The following JAKMIP2 variants were observed in gnomAD, a reference collection of about 807,000 sequenced individuals.
JAKMIP2 encodes the protein janus kinase and microtubule-interacting protein 2.
JAKMIP2 carries 25 observed loss-of-function variants against 115.0 expected under a neutral mutation model. The ratio of observed to expected loss-of-function variants is 0.22; its 90% CI spans 0.16 to 0.30. The LOEUF (loss-of-function observed/expected upper bound fraction) is 0.30. Among genes scored for constraint, JAKMIP2 ranks in the 10% least tolerant of loss-of-function variants. The probability of loss-of-function intolerance (pLI) is 1.00; values close to 1 mark genes in which losing one functional copy is unlikely to be tolerated. For synonymous variants in JAKMIP2, 334 were observed against 343.6 expected, an observed-to-expected ratio of 0.97 and a Z score of 0.31; for missense variants, 642 against 957.6, an observed-to-expected ratio of 0.67 and a Z score of 4.35.
At chr5:147,663,255 G>A (rs542396582) in intron 2 of JAKMIP2, among the ~76,000 whole-genome samples, 1 of 152,248 alleles carries the variant, frequency 6.6e-6, no homozygotes, top group South Asian at 2.1e-4. Context: ...TGTTTGTGAG[G>A]GTGTTGCTAA....
At chr5:147,667,860 G>C (rs762773356) in intron 2 of JAKMIP2, among the ~76,000 whole-genome samples, 8 of 152,074 alleles carry the variant, frequency 5.3e-5, no homozygotes, top group Non-Finnish European at 1.2e-4. Context: ...AGAAAATGTT[G>C]GTTGATTTTC....
chr5:147,647,521 T>C (rs1331838076), intron 5 of JAKMIP2, among the ~76,000 whole-genome samples: 1 of 151,872 alleles, frequency 6.6e-6, no homozygotes, highest in Admixed American at 6.6e-5. Flanking sequence ...TAACAGAAAA[T>C]GGGCAAAAGG....
chr5:147,781,582 A>G (rs1161955487), intron 1 of JAKMIP2, among the ~76,000 whole-genome samples: 2 of 152,198 alleles, frequency 1.3e-5, no homozygotes, highest in African/African-American at 4.8e-5. Context: ...GCAGGCTACA[A>G]ATTTGCATCT....
rs187378468 is a variant in JAKMIP2 at position 147,683,271 on chromosome 5, C to T, written c.-148-11317G>A. On this transcript the variant is annotated intron_variant, in intron 1 of 21. Transcript: ENST00000616793. ...TTGGGAGGCCAAGGCAGGCAGATCA[C>T]TTGAGGTCAGATCACTTTGAGACCA... is the stretch of plus-strand genomic sequence containing the variant. Among the ~76,000 whole-genome samples, 39 of 152,270 alleles carry T rather than the reference C, an allele frequency of 2.6e-4. No homozygotes were observed. The East Asian group carries it at 3.3e-3, about 13-fold the overall frequency.
At chr5:147,616,840 A>G (rs1190706548) in intron 19 of JAKMIP2, among the ~76,000 whole-genome samples, 1 of 152,156 alleles carries the variant, frequency 6.6e-6, no homozygotes, top group Admixed American at 6.5e-5. Context: ...AAAATCCACA[A>G]AGCTCCTGCC....
At position 147,665,685 on chromosome 5, in the gene JAKMIP2, A is replaced by T. The variant is rs547692062; in HGVS notation, c.130-4240T>A. On this transcript the variant is annotated intron_variant, in intron 2 of 21. Coordinates refer to ENST00000616793, the MANE Select transcript of JAKMIP2 (RefSeq NM_001270941.2). Reference sequence around the variant, plus strand: ...TTCTGAGGATTTTTGATTACACTTAAAAATGTCTGTAACTGGGTTATTTTT... The same window carrying T: ...TTCTGAGGATTTTTGATTACACTTATAAATGTCTGTAACTGGGTTATTTTT... Among the ~76,000 whole-genome samples the T allele has an allele frequency of 9.2e-5, 14 of 152,338 alleles. No homozygotes were observed. In the East Asian group the frequency reaches 2.7e-3, roughly 29 times the overall value.
intron 20 of JAKMIP2, among the ~76,000 whole-genome samples, chr5:147,603,021 G>A (rs1045597971): frequency 6.6e-6 from 1 of 152,156 alleles, no homozygotes; most frequent in South Asian, 2.1e-4. Flanking sequence ...TCGAGAATGA[G>A]AGTAATGGAC....
At position 147,601,772 on chromosome 5, in the gene JAKMIP2, G is replaced by A. The variant is rs1193046974; in HGVS notation, c.2452C>T (p.Leu818=). 6.6e-7 allele frequency: 1 copy of A among 1,516,416 alleles called. No homozygotes were observed. Among genetic ancestry groups the A allele is most frequent in the Non-Finnish European group, 8.9e-7 (1 of 1,122,422 alleles). The allele number at this position is 1,516,416 out of a possible 1,614,324, so 93.9% of individuals were successfully genotyped here. ...LFLFFSLAFI[L]WP is the part of the protein sequence containing the mutation. ...GAGGCACCTTGACATCAAGGCCATA[G>A]AATAAAGGCAAGAGAGAAGAACAAG... Residue 818 remains leucine, a synonymous_variant, in exon 21 of 22, where the codon CTA becomes TTA. Coordinates refer to ENST00000616793, the MANE Select transcript of JAKMIP2 (RefSeq NM_001270941.2).
chr5:147,685,578 C>T (rs933686531), intron 1 of JAKMIP2, among the ~76,000 whole-genome samples: 10 of 152,140 alleles, frequency 6.6e-5, no homozygotes, highest in Non-Finnish European at 1.3e-4. Flanking sequence ...ACTAGAAATA[C>T]TTCAGTTTGT....
At chr5:147,756,273 G>A (rs1209475372) in intron 1 of JAKMIP2, among the ~76,000 whole-genome samples, 1 of 152,098 alleles carries the variant, frequency 6.6e-6, no homozygotes, top group Non-Finnish European at 1.5e-5. Flanking sequence ...TGTCTTTACA[G>A]GAGAAATCAT....
At chr5:147,636,452 A>C (rs908987816) in intron 11 of JAKMIP2, 168 bp from the exon 12 acceptor site, 1 of 605,322 alleles carries the variant, frequency 1.7e-6, no homozygotes, top group Non-Finnish European at 2.9e-6. Context: ...AATTGGGGCC[A>C]AAGTTGCCGG....
At chr5:147,720,636 G>T (rs1244980804) in intron 1 of JAKMIP2, among the ~76,000 whole-genome samples, 3 of 151,964 alleles carry the variant, frequency 2.0e-5, no homozygotes, top group African/African-American at 7.3e-5. Context: ...TCCAGTTGAT[G>T]GCATTGGCTC....
intron 1 of JAKMIP2, among the ~76,000 whole-genome samples, chr5:147,757,410 T>C (rs1754785949): frequency 6.6e-6 from 1 of 152,032 alleles, no homozygotes; most frequent in African/African-American, 2.4e-5. Context: ...TTAAATGTGG[T>C]CCTTAAATTT....
Position 147,751,250 on chromosome 5 carries a change from G to T in JAKMIP2, c.-149+31206C>A, listed in dbSNP as rs867565686. Among the ~76,000 whole-genome samples, 611 of 135,608 alleles carry T rather than the reference G, an allele frequency of 4.5e-3. 7 individuals are homozygous for T. The highest frequency in any genetic ancestry group is 0.017 in the African/African-American group (564 of 33,788). The allele number at this position is 135,608 out of a possible 152,430, so 89.0% of individuals were successfully genotyped here. A position where few individuals can be genotyped will look rare whatever the true frequency, so the allele number is the denominator to read the frequency against. ...CCAGGCCCGGCTAAGTTGTTTTTTT[G>T]TTGTTGTTTTTTTTTTTTTTTGTAT... On this transcript the variant is annotated intron_variant, in intron 1 of 21. Coordinates refer to ENST00000616793, the MANE Select transcript of JAKMIP2 (RefSeq NM_001270941.2).
At chr5:147,742,474 A>G (rs937078349) in intron 1 of JAKMIP2, among the ~76,000 whole-genome samples, 2 of 152,142 alleles carry the variant, frequency 1.3e-5, no homozygotes, top group Non-Finnish European at 2.9e-5. Flanking sequence ...GGTCTATGGG[A>G]AACAACTAAC....
At chr5:147,755,512 T>A (rs560162146) in intron 1 of JAKMIP2, among the ~76,000 whole-genome samples, 4 of 152,300 alleles carry the variant, frequency 2.6e-5, no homozygotes, top group African/African-American at 7.2e-5. Context: ...TCAGACATAA[T>A]AGCAACACCC....
intron 1 of JAKMIP2, among the ~76,000 whole-genome samples, chr5:147,760,112 C>T (rs946979477): frequency 6.6e-6 from 1 of 152,024 alleles, no homozygotes; most frequent in Non-Finnish European, 1.5e-5. Context: ...AAGAAGGACA[C>T]GTTTGTGCTG....
intron 1 of JAKMIP2, among the ~76,000 whole-genome samples, chr5:147,768,310 C>G (rs749469500): frequency 6.6e-6 from 1 of 152,086 alleles, no homozygotes; most frequent in Non-Finnish European, 1.5e-5. Flanking sequence ...TTTGTAGGTT[C>G]CCTACTCACT....
Position 147,618,069 on chromosome 5 carries a change from C to G in JAKMIP2, c.2188G>C (p.Glu730Gln). ...EATLYNALQQ[E>Q]TVIKFGELLS... Reference sequence around the variant, plus strand: ...AATTCACCAAACTTGATAACAGTTTCTTGCTGTAGAGCATTGTACAAAGTA... The same window carrying G: ...AATTCACCAAACTTGATAACAGTTTGTTGCTGTAGAGCATTGTACAAAGTA... Residue 730 changes from glutamate (E) to glutamine (Q), a missense_variant, in exon 19 of 22, where the codon GAA (glutamate) becomes CAA (glutamine). By Grantham distance (29) the Glu-to-Gln change is conservative (BLOSUM62 2). Around this residue, in one of 6 missense-constraint regions of JAKMIP2, gnomAD observed 68 missense variants for 104.6 expected, o/e 0.65. Transcript: ENST00000616793. The G allele has an allele frequency of 6.2e-7, 1 of 1,614,110 alleles. No homozygotes were observed.
Sources: allele counts gnomAD v4.1 joint callset (sites outside exome capture counted in the v4.1 genomes callset), GRCh38; gene constraint gnomAD v4.1.1; regional missense constraint gnomAD v4.1.1; transcripts MANE v1.5; gene names NCBI Gene and HGNC (gene_info 2026-07-23, HGNC 2026-07-21).